CALN1: variants seen among roughly 807,000 people sequenced by gnomAD.
CALN1 encodes calneuron 1, also known as calcium-binding protein 8.
In CALN1, 17 loss-of-function variants were observed where a neutral mutation model predicts 30.6. The observed-to-expected ratio is 0.56, with a 90% CI of 0.38 to 0.83. The LOEUF (loss-of-function observed/expected upper bound fraction) is 0.83. CALN1 is among the 40% of genes least tolerant of loss of function. CALN1 has a pLI of 0.00. For missense variants in CALN1, 291 were observed against 354.9 expected (o/e 0.82, Z 1.45); for synonymous variants, 156 against 131.4 (o/e 1.19, Z -1.28).
At chr7:72,440,942 A>T (rs1808325145) in intron 1 of CALN1, among the ~76,000 whole-genome samples, 1 of 152,198 alleles carries the variant, frequency 6.6e-6, no homozygotes. Context: ...ACAAATACAA[A>T]TTTTTTGGTA....
chr7:72,008,617 A>G (rs1214489254), intron 5 of CALN1, among the ~76,000 whole-genome samples: 1 of 152,016 alleles, frequency 6.6e-6, no homozygotes, highest in Non-Finnish European at 1.5e-5. Context: ...ATCATCTGGC[A>G]TATCAAATTA....
rs576380417 is a variant in CALN1 at position 72,121,379 on chromosome 7, T to C, written c.245-15085A>G. ...TATGCAATATGATATATAAATTACG[T>C]ATTATATAATATAGATGTTATATAA... On this transcript the variant is annotated intron_variant, in intron 3 of 6. Transcript: ENST00000395275. 2.4e-4 allele frequency among the ~76,000 whole-genome samples: 35 copies of C among 145,926 alleles called. No homozygotes were observed. In the South Asian group the frequency reaches 7.3e-3, roughly 31 times the overall value.
chr7:71,800,533 C>T (rs1274588815), intron 6 of CALN1, among the ~76,000 whole-genome samples: 1 of 152,156 alleles, frequency 6.6e-6, no homozygotes, highest in Non-Finnish European at 1.5e-5. Context: ...AATCTGACAG[C>T]TGGTATTCCA....
chr7:72,008,531 T>C (rs571530244), intron 5 of CALN1, among the ~76,000 whole-genome samples: 84 of 152,076 alleles, frequency 5.5e-4, no homozygotes, highest in Non-Finnish European at 7.4e-4. Context: ...CTGAAAATAC[T>C]AGAATGAAAA....
At chr7:71,862,838 GA>G (rs1791370091) in intron 5 of CALN1, among the ~76,000 whole-genome samples, 1 of 152,196 alleles carries the variant, frequency 6.6e-6, no homozygotes, top group African/African-American at 2.4e-5. Flanking sequence ...CTAGTGGGCA[GA>G]AATTCAGGAG....
At chr7:72,110,228 C>T (rs139735629) in intron 3 of CALN1, among the ~76,000 whole-genome samples, 169 of 152,222 alleles carry the variant, frequency 1.1e-3, no homozygotes, top group African/African-American at 3.9e-3. Flanking sequence ...TGGGCGACAC[C>T]CCAGCGGGCC....
At chr7:72,100,803 G>A (rs1341947232) in intron 4 of CALN1, among the ~76,000 whole-genome samples, 6 of 120,408 alleles carry the variant, frequency 5.0e-5, no homozygotes, top group African/African-American at 1.6e-4. Context: ...CTGGGCAACA[G>A]AGCGAGACTC....
chr7:72,252,295 C>G (rs1177533426), intron 3 of CALN1, among the ~76,000 whole-genome samples: 1 of 152,124 alleles, frequency 6.6e-6, no homozygotes, highest in Non-Finnish European at 1.5e-5. Flanking sequence ...GGTAAGTCCA[C>G]CTTTGAAATA....
At chr7:71,890,583 A>G (rs936374658) in intron 5 of CALN1, among the ~76,000 whole-genome samples, 20 of 151,974 alleles carry the variant, frequency 1.3e-4, no homozygotes, top group African/African-American at 4.8e-4. Flanking sequence ...AATTATTAAG[A>G]AGAAAAAAAA....
At chr7:72,404,367 ACAG>A (rs2129562206) in intron 1 of CALN1, among the ~76,000 whole-genome samples, 1 of 152,356 alleles carries the variant, frequency 6.6e-6, no homozygotes, top group African/African-American at 2.4e-5. Flanking sequence ...TATTGAACAC[ACAG>A]TTAATCAATG....
intron 2 of CALN1, among the ~76,000 whole-genome samples, chr7:72,289,471 T>C (rs372251679): frequency 7.9e-5 from 12 of 152,228 alleles, no homozygotes; most frequent in African/African-American, 2.9e-4. Flanking sequence ...AGTGATATAC[T>C]GGTAAATGTT....
chr7:72,110,729 G>A (rs860010), intron 3 of CALN1, among the ~76,000 whole-genome samples: 1 of 151,256 alleles, frequency 6.6e-6, no homozygotes, highest in Admixed American at 6.6e-5. Context: ...TAGGCACCTC[G>A]GGAGAGTTAA....
the CALN1 span, among the ~76,000 whole-genome samples, chr7:72,477,548 G>T: frequency 6.6e-6 from 1 of 152,104 alleles, no homozygotes; most frequent in Non-Finnish European, 1.5e-5. Flanking sequence ...CTCCTGAGTA[G>T]CTGGGACTAC....
At chr7:72,085,897 A>G (rs1805453952) in intron 4 of CALN1, among the ~76,000 whole-genome samples, 1 of 152,220 alleles carries the variant, frequency 6.6e-6, no homozygotes. Flanking sequence ...CACAATGCAA[A>G]TCTTCCCTCC....
intron 5 of CALN1, among the ~76,000 whole-genome samples, chr7:71,829,683 A>G (rs1052163877): frequency 6.6e-6 from 1 of 152,178 alleles, no homozygotes. Flanking sequence ...AATAGCCTCT[A>G]GAGTAAAGTG....
At chr7:72,336,800 A>G in intron 2 of CALN1, 1 of 984,910 alleles carries the variant, frequency 1.0e-6, no homozygotes, top group South Asian at 4.7e-5. Context: ...GGCGGTGCGG[A>G]ATGGATGCGC....
intron 3 of CALN1, among the ~76,000 whole-genome samples, chr7:72,278,484 C>G (rs920308282): frequency 6.0e-5 from 9 of 151,128 alleles, no homozygotes; most frequent in Non-Finnish European, 1.3e-4. Context: ...CACACACACA[C>G]ACACACACAC....
intron 4 of CALN1, among the ~76,000 whole-genome samples, chr7:72,070,333 G>A (rs967051471): frequency 1.3e-5 from 2 of 152,084 alleles, no homozygotes; most frequent in Non-Finnish European, 2.9e-5. Context: ...GCTTCCTCAG[G>A]AGCAAGGCAG....
intron 1 of CALN1, among the ~76,000 whole-genome samples, chr7:72,408,416 G>A (rs1409737161): frequency 6.6e-6 from 1 of 152,014 alleles, no homozygotes; most frequent in African/African-American, 2.4e-5. Flanking sequence ...CTACACTCCA[G>A]CCTGGGCAAC....
Sources: allele counts gnomAD v4.1 joint callset (sites outside exome capture counted in the v4.1 genomes callset), GRCh38; gene constraint gnomAD v4.1.1; transcripts MANE v1.5; gene names NCBI Gene and HGNC (gene_info 2026-07-23, HGNC 2026-07-21).